GOLM2: variants seen among roughly 807,000 people sequenced by gnomAD.
GOLM2 encodes golgi membrane protein 2.
Under a neutral mutation model 55.9 loss-of-function variants are expected in GOLM2, and 26 were observed. The observed-to-expected ratio is 0.47, with a 90% CI of 0.34 to 0.65. The LOEUF (loss-of-function observed/expected upper bound fraction) is 0.65, where lower values mean the gene tolerates loss of function less well. Ranked by LOEUF, GOLM2 falls within the 30% of genes least tolerant of loss-of-function variation. The pLI is 0.01. For synonymous variants in GOLM2, 165 were observed against 194.6 expected, an observed-to-expected ratio of 0.85 and a Z score of 1.27; for missense variants, 486 against 531.8, an observed-to-expected ratio of 0.91 and a Z score of 0.85.
At chr15:44,365,002 C>T (rs1301336706) in intron 6 of GOLM2, among the ~76,000 whole-genome samples, 1 of 152,188 alleles carries the variant, frequency 6.6e-6, no homozygotes, top group Non-Finnish European at 1.5e-5. Flanking sequence ...ATTAAACTTA[C>T]TTTGACCGTA....
chr15:44,398,989 T>C (rs1384842874), intron 8 of GOLM2, among the ~76,000 whole-genome samples: 1 of 152,148 alleles, frequency 6.6e-6, no homozygotes, highest in Admixed American at 6.6e-5. Context: ...TGTAATTTGC[T>C]TGTTCAAACT....
intron 8 of GOLM2, chr15:44,390,029 C>T (rs2079476831): frequency 6.6e-6 from 1 of 152,070 alleles, no homozygotes. Context: ...TGTTTTATAG[C>T]TTAATATATC....
At chr15:44,338,160 AT>A in intron 5 of GOLM2, 76 bp from the exon 6 acceptor site, 7 of 1,383,700 alleles carry the variant, frequency 5.1e-6, no homozygotes, top group Non-Finnish European at 7.1e-6. Flanking sequence ...TTAGAAACTG[AT>A]TGTTACATTC....
intron 8 of GOLM2, among the ~76,000 whole-genome samples, chr15:44,393,840 T>C (rs1213288563): frequency 6.6e-6 from 1 of 152,124 alleles, no homozygotes; most frequent in Non-Finnish European, 1.5e-5. Context: ...TACAGGTGCA[T>C]GCCACAACAC....
chr15:44,364,082 T>C (rs563795179), intron 6 of GOLM2, among the ~76,000 whole-genome samples: 1 of 152,220 alleles, frequency 6.6e-6, no homozygotes, highest in East Asian at 1.9e-4. Context: ...TTGGGAGATA[T>C]ACCTAATGCT....
chr15:44,372,205 A>G (rs2079332927), intron 6 of GOLM2, among the ~76,000 whole-genome samples: 1 of 152,216 alleles, frequency 6.6e-6, no homozygotes, highest in Admixed American at 6.5e-5. Flanking sequence ...CAGTAAATAT[A>G]GAAACCCATG....
intron 1 of GOLM2, among the ~76,000 whole-genome samples, chr15:44,312,953 C>T (rs1024476882): frequency 6.6e-6 from 1 of 152,154 alleles, no homozygotes; most frequent in Non-Finnish European, 1.5e-5. Flanking sequence ...GTGGCGTGCT[C>T]CTGTAATCCC....
At chr15:44,363,931 A>G (rs2079263230) in intron 6 of GOLM2, among the ~76,000 whole-genome samples, 1 of 152,116 alleles carries the variant, frequency 6.6e-6, no homozygotes, top group Admixed American at 6.6e-5. Context: ...TTCTCAGTAA[A>G]CTATCGCAAG....
At chr15:44,411,013 C>CTTTTTTTTTT (rs201998296) in intron 9 of GOLM2, among the ~76,000 whole-genome samples, 1 of 81,338 alleles carries the variant, frequency 1.2e-5, no homozygotes, top group African/African-American at 4.4e-5. Context: ...GTTTGTTTGA[C>CTTTTTTTTTT]TTTTTTTTTT....
intron 7 of GOLM2, among the ~76,000 whole-genome samples, chr15:44,380,192 A>G (rs2079392552): frequency 6.6e-6 from 1 of 152,200 alleles, no homozygotes; most frequent in Admixed American, 6.5e-5. Context: ...ATTCCATTTT[A>G]TAGAACATTT....
chr15:44,309,178 A>G (rs2078857526), intron 1 of GOLM2, among the ~76,000 whole-genome samples: 1 of 152,216 alleles, frequency 6.6e-6, no homozygotes, highest in African/African-American at 2.4e-5. Flanking sequence ...GAACCCTTGA[A>G]CATTGTTGGT....
At chr15:44,291,472 A>C (rs915278011) in intron 1 of GOLM2, among the ~76,000 whole-genome samples, 2 of 152,070 alleles carry the variant, frequency 1.3e-5, no homozygotes, top group African/African-American at 4.8e-5. Context: ...TTTCATAACC[A>C]TCCTAATCTT....
chr15:44,319,830 C>T (rs753764712), intron 1 of GOLM2, among the ~76,000 whole-genome samples: 2 of 152,206 alleles, frequency 1.3e-5, no homozygotes, highest in Non-Finnish European at 2.9e-5. Context: ...CTCAGGTGAT[C>T]TGCCTGCCTC....
At position 44,415,017 on chromosome 15, in the gene GOLM2, A is replaced by G. The variant is rs2079664227; in HGVS notation, c.*1611A>G. Reference sequence around the variant, plus strand: ...AGAAGGGCTACTGTTAATTGCACATAAACATGAAATGTGTTTTCCCCTGTG... The same window carrying G: ...AGAAGGGCTACTGTTAATTGCACATGAACATGAAATGTGTTTTCCCCTGTG... On this transcript the variant is annotated 3_prime_UTR_variant, in exon 10 of 10. Coordinates refer to ENST00000299957, the MANE Select transcript of GOLM2 (RefSeq NM_138423.4). 6.6e-6 allele frequency: 1 copy of G among 152,644 alleles called. No homozygotes were observed. Among genetic ancestry groups the G allele is most frequent in the Non-Finnish European group, 1.5e-5 (1 of 68,044 alleles). 9.5% of individuals were successfully genotyped at this position (152,644 alleles called of 1,614,324 possible). A position where few individuals can be genotyped will look rare whatever the true frequency, so the allele number is the denominator to read the frequency against.
intron 9 of GOLM2, chr15:44,406,919 C>T (rs2141218116): frequency 6.6e-6 from 1 of 151,988 alleles, no homozygotes; most frequent in East Asian, 1.9e-4. Flanking sequence ...GGAGCTGAAG[C>T]ATTCCAGCCT....
intron 6 of GOLM2, among the ~76,000 whole-genome samples, chr15:44,368,861 C>T (rs2079304303): frequency 1.3e-5 from 2 of 149,770 alleles, no homozygotes; most frequent in South Asian, 4.2e-4. Flanking sequence ...GGGTCATTCT[C>T]TGCTTTTTTG....
At chr15:44,315,676 G>T (rs1453024628) in intron 1 of GOLM2, among the ~76,000 whole-genome samples, 1 of 152,148 alleles carries the variant, frequency 6.6e-6, no homozygotes, top group Non-Finnish European at 1.5e-5. Context: ...TAAAACTCAG[G>T]AGAGAGGTCT....
intron 6 of GOLM2, among the ~76,000 whole-genome samples, chr15:44,342,336 C>T (rs541266421): frequency 1.3e-5 from 2 of 152,088 alleles, no homozygotes; most frequent in South Asian, 4.1e-4. Flanking sequence ...ATGATCATGG[C>T]TCACTGCAGC....
chr15:44,301,542 C>T (rs1327884223), intron 1 of GOLM2, among the ~76,000 whole-genome samples: 1 of 151,946 alleles, frequency 6.6e-6, no homozygotes, highest in Non-Finnish European at 1.5e-5. Flanking sequence ...ATGGAACTTA[C>T]CCTTGAGCAG....
Sources: allele counts gnomAD v4.1 joint callset (sites outside exome capture counted in the v4.1 genomes callset), GRCh38; gene constraint gnomAD v4.1.1; transcripts MANE v1.5; gene names NCBI Gene and HGNC (gene_info 2026-07-23, HGNC 2026-07-21).